The following UGT2B11 variants were observed in gnomAD, a reference collection of about 807,000 sequenced individuals.
UGT2B11 encodes UDP-glucuronosyltransferase 2B11.
A neutral mutation model predicts 51.7 loss-of-function variants in UGT2B11; 49 were observed. That is an observed-to-expected ratio of 0.95 (90% CI 0.75 to 1.20). The LOEUF is 1.20. Among genes scored for constraint, UGT2B11 ranks in the 50% most tolerant of loss-of-function variants. The probability of loss-of-function intolerance (pLI) is 0.00; values close to 1 mark genes in which losing one functional copy is unlikely to be tolerated. For synonymous variants in UGT2B11, 273 were observed against 209.0 expected (o/e 1.31, Z -2.64); for missense variants, 810 against 622.1 (o/e 1.30, Z -3.21).
rs749379154 is a variant in UGT2B11, at chr4:69,200,626, C to T, written c.1404G>A (p.Met468Ile). 14 of 1,612,418 alleles carry T rather than the reference C, an allele frequency of 8.7e-6. No individual in the cohort carries two copies. Among genetic ancestry groups the T allele is most frequent in the Non-Finnish European group, 1.2e-5 (14 of 1,178,958 alleles). ...DRAVFWIEFV[M>I]PHKGAKHLRV... ...GAAGGTGTTTGGCTCCTTTGTGGGG[C>T]ATGACAAATTCAATCCAGAAGACTG... The change falls in exon 6 of 6, where the codon ATG (methionine) becomes ATA (isoleucine). Residue 468 changes from methionine to isoleucine, a missense_variant. Met to Ile is a conservative substitution (Grantham distance 10). Transcript: ENST00000446444.
chr4:69,224,914 G>C, the UGT2B11 span, among the ~76,000 whole-genome samples: 1,489 of 152,246 alleles, frequency 9.8e-3, 21 homozygotes, highest in African/African-American at 0.033. Context: ...ACCAGAGCCA[G>C]AAACAAAGAC....
At chr4:69,216,552 G>C (rs896474952), upstream of UGT2B11, 1 of 151,132 alleles carries the variant, frequency 6.6e-6, no homozygotes, top group South Asian at 2.1e-4. Context: ...GTATTTCATC[G>C]GCCACACCAG....
In UGT2B11 at chr4:69,200,600, C is replaced by T. The variant is rs767731098; in HGVS notation, c.1430G>A (p.Arg477Gln). The T allele has an allele frequency of 4.5e-5, 73 of 1,612,406 alleles. No homozygotes were observed. The highest frequency in any genetic ancestry group is 2.7e-5 in the Non-Finnish European group (32 of 1,178,978). ...VMPHKGAKHL[R>Q]VAAHDLTWFQ... ...CCAGGTGAGGTCATGGGCTGCAACT[C>T]GAAGGTGTTTGGCTCCTTTGTGGGG... Residue 477 changes from arginine (R) to glutamine (Q), a missense_variant, in exon 6 of 6, where the codon CGA becomes CAA. Arg to Gln is a conservative substitution (Grantham distance 43). Coordinates refer to ENST00000446444, the MANE Select transcript of UGT2B11 (RefSeq NM_001073.3).
At chr4:69,223,321 G>A in the UGT2B11 span, among the ~76,000 whole-genome samples, 503 of 152,180 alleles carry the variant, frequency 3.3e-3, 1 homozygote, top group Non-Finnish European at 6.0e-3. Context: ...TGCCCGCACC[G>A]CTGGTTATTC....
chr4:69,223,411 C>T, the UGT2B11 span, among the ~76,000 whole-genome samples: 1 of 152,264 alleles, frequency 6.6e-6, no homozygotes, highest in Non-Finnish European at 1.5e-5. Context: ...TTTTCCTGAG[C>T]CCTCCATCTA....
chr4:69,212,782 C>T (rs1480835631), intron 1 of UGT2B11, 61 bp from the exon 2 acceptor site: 29 of 1,545,972 alleles, frequency 1.9e-5, no homozygotes, highest in Non-Finnish European at 2.5e-5. Context: ...ACATACCTTT[C>T]TGAAAAAGGT....
intron 5 of UGT2B11, chr4:69,201,089 T>A (rs1360254462): frequency 6.1e-6 from 1 of 162,940 alleles, no homozygotes; most frequent in African/African-American, 2.4e-5. Context: ...AATAATCACA[T>A]CATGAAAAAT....
At chr4:69,221,448 C>T in the UGT2B11 span, among the ~76,000 whole-genome samples, 1 of 152,124 alleles carries the variant, frequency 6.6e-6, no homozygotes, top group Non-Finnish European at 1.5e-5. Context: ...CTTTGCCCTT[C>T]CAAATTGTCC....
intron 2 of UGT2B11, 52 bp from the exon 3 acceptor site, chr4:69,208,534 T>A: frequency 1.3e-6 from 2 of 1,585,604 alleles, no homozygotes; most frequent in Non-Finnish European, 1.7e-6. Flanking sequence ...CAGCAGGCAC[T>A]ACTGAAAGAA....
At chr4:69,221,914 T>C in the UGT2B11 span, among the ~76,000 whole-genome samples, 1 of 152,260 alleles carries the variant, frequency 6.6e-6, no homozygotes, top group Non-Finnish European at 1.5e-5. Flanking sequence ...TCCTTCATCC[T>C]CTGGGGCAGT....
intron 2 of UGT2B11, 67 bp downstream of exon 2, chr4:69,212,506 A>C (rs1722103568): frequency 6.4e-7 from 1 of 1,567,350 alleles, no homozygotes. Context: ...TTTTGAATGA[A>C]AACTATAGAC....
rs1721661699 is a variant in UGT2B11 at position 69,201,583 on chromosome 4, C to A, written c.1311-864G>T. 4.0e-5 allele frequency among the ~76,000 whole-genome samples: 6 copies of A among 151,762 alleles called. No individual in the cohort carries two copies. The South Asian group carries it at 1.2e-3, about 31-fold the overall frequency. On this transcript the variant is annotated intron_variant, in intron 5 of 5. Transcript: ENST00000446444. Reference sequence around the variant, plus strand: ...TTTAAGCTTCCAAAGGTGTTCTCATCTTAGAACTTTACACGTTTTGACCCT... The same window carrying A: ...TTTAAGCTTCCAAAGGTGTTCTCATATTAGAACTTTACACGTTTTGACCCT...
chr4:69,210,091 T>G (rs1255802735), intron 2 of UGT2B11, among the ~76,000 whole-genome samples: 2 of 151,582 alleles, frequency 1.3e-5, no homozygotes. Flanking sequence ...CATTTTATCC[T>G]GCGAAAACTT....
chr4:69,220,610 CA>C, the UGT2B11 span, among the ~76,000 whole-genome samples: 1 of 149,098 alleles, frequency 6.7e-6, no homozygotes, highest in Non-Finnish European at 1.5e-5. Context: ...ATGCAAGGCC[CA>C]AAAGCGAGTA....
intron 3 of UGT2B11, among the ~76,000 whole-genome samples, chr4:69,207,607 A>G (rs1419762140): frequency 3.3e-5 from 5 of 151,456 alleles, no homozygotes; most frequent in Middle Eastern, 3.4e-3. Context: ...TCCTTGTGGG[A>G]CCATATTTTA....
intron 5 of UGT2B11, among the ~76,000 whole-genome samples, chr4:69,201,689 T>C (rs1405809887): frequency 6.6e-6 from 1 of 151,786 alleles, no homozygotes; most frequent in Non-Finnish European, 1.5e-5. Context: ...AAGTGTTACC[T>C]CTAAGAGAGG....
intron 1 of UGT2B11, among the ~76,000 whole-genome samples, 193 bp downstream of exon 1, chr4:69,213,809 A>G (rs1031931879): frequency 3.3e-5 from 5 of 151,916 alleles, no homozygotes; most frequent in African/African-American, 1.2e-4. Context: ...AGTGATGGCC[A>G]CAGGGTTTTA....
At position 69,206,277 on chromosome 4, in the gene UGT2B11, C is replaced by G. The variant is rs542546453; in HGVS notation, c.1003-710G>C. Among the ~76,000 whole-genome samples the G allele has an allele frequency of 2.0e-3, 295 of 147,042 alleles. 5 individuals are homozygous for G. The highest frequency in any genetic ancestry group is 7.4e-4 in the Non-Finnish European group (49 of 65,802). ...AAGAAAATATGGCATATATACACTA[C>G]GGAATATTATGCAGCCATAAAAAAA... On this transcript the variant is annotated intron_variant, in intron 3 of 5. Transcript: ENST00000446444.
intron 5 of UGT2B11, 170 bp downstream of exon 5, chr4:69,204,260 A>C (rs866377442): frequency 1.7e-5 from 20 of 1,145,538 alleles, no homozygotes; most frequent in Middle Eastern, 3.0e-4. Context: ...ATGGGATTCA[A>C]ACACAATTTT....
Sources: allele counts gnomAD v4.1 joint callset (sites outside exome capture counted in the v4.1 genomes callset), GRCh38; gene constraint gnomAD v4.1.1; transcripts MANE v1.5; gene names NCBI Gene and HGNC (gene_info 2026-07-23, HGNC 2026-07-21).